RELN: variants seen among roughly 807,000 people sequenced by gnomAD.
RELN encodes reelin.
RELN carries 108 observed loss-of-function variants against 427.6 expected under a neutral mutation model. The ratio of observed to expected loss-of-function variants is 0.25; its 90% CI spans 0.22 to 0.30. The LOEUF (loss-of-function observed/expected upper bound fraction) is 0.30, where lower values mean the gene tolerates loss of function less well. Among genes scored for constraint, RELN ranks in the 10% least tolerant of loss-of-function variants. The pLI is 1.00. For missense variants in RELN, 3,715 were observed against 4,302.8 expected (o/e 0.86, Z 3.82); for synonymous variants, 1,524 against 1,513.4 (o/e 1.01, Z -0.16).
chr7:103,547,931 C>A (rs1042207664), intron 41 of RELN, among the ~76,000 whole-genome samples: 10 of 152,208 alleles, frequency 6.6e-5, no homozygotes, highest in African/African-American at 2.4e-4. Flanking sequence ...CTGCTGAAAT[C>A]TTATTTTGAA....
intron 2 of RELN, among the ~76,000 whole-genome samples, chr7:103,908,040 G>C (rs899679371): frequency 2.6e-5 from 4 of 152,060 alleles, no homozygotes; most frequent in African/African-American, 7.2e-5. Context: ...CCACTTATGA[G>C]TGAGAACATG....
intron 24 of RELN, among the ~76,000 whole-genome samples, chr7:103,602,367 A>G (rs1442788800): frequency 1.3e-5 from 2 of 152,202 alleles, no homozygotes; most frequent in Non-Finnish European, 2.9e-5. Flanking sequence ...TTCTACTATA[A>G]AGACACATGC....
chr7:103,909,343 T>G (rs1795287083), intron 2 of RELN, among the ~76,000 whole-genome samples: 2 of 151,776 alleles, frequency 1.3e-5, no homozygotes, highest in South Asian at 4.1e-4. Flanking sequence ...CTATGTTCAG[T>G]GAAAAATAAA....
chr7:103,631,023 AC>A (rs1832451173), intron 19 of RELN, among the ~76,000 whole-genome samples: 1 of 151,924 alleles, frequency 6.6e-6, no homozygotes, highest in Non-Finnish European at 1.5e-5. Flanking sequence ...GTGAAGAAAC[AC>A]GCTAAACCAC....
At chr7:103,655,048 G>T (rs1832997378) in intron 12 of RELN, among the ~76,000 whole-genome samples, 1 of 152,026 alleles carries the variant, frequency 6.6e-6, no homozygotes, top group African/African-American at 2.4e-5. Context: ...CTGGGCTCAA[G>T]CAATCCTCCT....
chr7:103,731,426 A>T (rs75559117), intron 6 of RELN, among the ~76,000 whole-genome samples: 1 of 152,074 alleles, frequency 6.6e-6, no homozygotes, highest in Non-Finnish European at 1.5e-5. Context: ...TTACCATGTG[A>T]TAGGTGCTGA....
intron 1 of RELN, among the ~76,000 whole-genome samples, chr7:103,940,617 G>C (rs1203559090): frequency 2.6e-5 from 4 of 152,136 alleles, no homozygotes; most frequent in African/African-American, 9.7e-5. Context: ...GCACCCAGTA[G>C]AGTTCCAGGG....
At chr7:103,965,971 A>G (rs1378351733) in intron 1 of RELN, among the ~76,000 whole-genome samples, 1 of 152,194 alleles carries the variant, frequency 6.6e-6, no homozygotes, top group Non-Finnish European at 1.5e-5. Flanking sequence ...GAATTTATTA[A>G]GAAAAATTAA....
chr7:103,542,083 T>G, intron 43 of RELN, among the ~76,000 whole-genome samples: 1 of 152,218 alleles, frequency 6.6e-6, no homozygotes, highest in East Asian at 1.9e-4. Flanking sequence ...CTTGTTAAGT[T>G]TTCGGCCCAT....
At position 103,770,277 on chromosome 7, in the gene RELN, G is replaced by A. The variant is rs965242794; in HGVS notation, c.544+6280C>T. On this transcript the variant is annotated intron_variant, in intron 4 of 64. Coordinates refer to ENST00000428762, the MANE Select transcript of RELN (RefSeq NM_005045.4). Reference sequence around the variant, plus strand: ...TTTTTTGTATTTTTAGTAGAGATGGGGTTTCACTGTATTAGCCAAGATCGT... The same window carrying A: ...TTTTTTGTATTTTTAGTAGAGATGGAGTTTCACTGTATTAGCCAAGATCGT... Among the ~76,000 whole-genome samples, 4 of 152,092 alleles carry A rather than the reference G, an allele frequency of 2.6e-5. No individual in the cohort carries two copies. The South Asian group carries it at 8.3e-4, about 32-fold the overall frequency.
chr7:103,852,537 T>C (rs890436532), intron 2 of RELN, among the ~76,000 whole-genome samples: 1 of 152,196 alleles, frequency 6.6e-6, no homozygotes, highest in African/African-American at 2.4e-5. Flanking sequence ...GAAAGTACTA[T>C]GTAAATGTTG....
At position 103,770,074 on chromosome 7, in the gene RELN, CTTTATTTA is replaced by C. The variant is rs34771956; in HGVS notation, c.544+6475_544+6482del. 8.0e-5 allele frequency among the ~76,000 whole-genome samples: 12 copies of C among 150,674 alleles called. 1 individual carries two copies. Among genetic ancestry groups the C allele is most frequent in the African/African-American group, 1.5e-4 (6 of 40,978 alleles). On this transcript the variant is annotated intron_variant, in intron 4 of 64. Coordinates refer to ENST00000428762, the MANE Select transcript of RELN (RefSeq NM_005045.4). ...CCAAATACAGCACAAATCTTTTTTA[CTTTATTTA>C]TTTATTTATTTATTTATTTTTAGAC...
chr7:103,854,624 C>G (rs961848651), intron 2 of RELN, among the ~76,000 whole-genome samples: 3 of 152,132 alleles, frequency 2.0e-5, no homozygotes, highest in African/African-American at 4.8e-5. Context: ...AGGGAACCAT[C>G]AGATTCTTAA....
rs980392031 is a variant in RELN, at chr7:103,888,608, G to T, written c.337+28467C>A. ...GATGGCCTCAAAATCTAGTAAAGAA[G>T]ACTCCCTGGCAGAGCCACTACTTGC... On this transcript the variant is annotated intron_variant, in intron 2 of 64. Coordinates refer to ENST00000428762, the MANE Select transcript of RELN (RefSeq NM_005045.4). 9.2e-5 allele frequency among the ~76,000 whole-genome samples: 14 copies of T among 152,230 alleles called. 1 individual carries two copies. The highest frequency in any genetic ancestry group is 9.2e-4 in the Admixed American group (14 of 15,282).
At chr7:103,560,568 C>T (rs1830620455) in intron 36 of RELN, among the ~76,000 whole-genome samples, 1 of 152,152 alleles carries the variant, frequency 6.6e-6, no homozygotes, top group African/African-American at 2.4e-5. Flanking sequence ...GTCTTGTCAA[C>T]TGGTTCAAAT....
chr7:103,666,286 G>T (rs12671105), intron 11 of RELN, among the ~76,000 whole-genome samples: 47,063 of 151,734 alleles, frequency 0.31, 7,445 homozygotes, highest in Middle Eastern at 0.38. Flanking sequence ...TGCCCAGGCT[G>T]GTCTGAAACT....
intron 1 of RELN, among the ~76,000 whole-genome samples, chr7:103,951,235 A>G (rs1796324780): frequency 6.6e-6 from 1 of 152,232 alleles, no homozygotes; most frequent in Admixed American, 6.5e-5. Context: ...CAGTTTTCCA[A>G]CTGCTAATAG....
At chr7:103,630,854 T>TTTTTTTTTTG in intron 19 of RELN, among the ~76,000 whole-genome samples, 1 of 109,450 alleles carries the variant, frequency 9.1e-6, no homozygotes, top group African/African-American at 3.6e-5. Flanking sequence ...TTTTTTTGTT[T>TTTTTTTTTTG]TTTTTGTTTT....
chr7:103,966,175 G>T (rs1293474066), intron 1 of RELN, among the ~76,000 whole-genome samples: 5 of 151,938 alleles, frequency 3.3e-5, no homozygotes, highest in Non-Finnish European at 5.9e-5. Context: ...GTGAATTATA[G>T]ATACATTTAA....
Sources: allele counts gnomAD v4.1 joint callset (sites outside exome capture counted in the v4.1 genomes callset), GRCh38; gene constraint gnomAD v4.1.1; transcripts MANE v1.5; gene names NCBI Gene and HGNC (gene_info 2026-07-23, HGNC 2026-07-21).